GALNT18: variants seen among roughly 807,000 people sequenced by gnomAD.
GALNT18 encodes GalNAc-transferase 18.
In GALNT18, 44 loss-of-function variants were observed where a neutral mutation model predicts 69.5. The ratio of observed to expected loss-of-function variants is 0.63; its 90% CI spans 0.50 to 0.81. GALNT18 has a LOEUF of 0.81. Ranked by LOEUF, GALNT18 falls within the 40% of genes least tolerant of loss-of-function variation. The pLI is 0.00. For synonymous variants in GALNT18, 364 were observed against 318.2 expected (o/e 1.14, Z -1.53); for missense variants, 715 against 810.0 (o/e 0.88, Z 1.42).
At chr11:11,472,873 T>G (rs1401174453) in intron 1 of GALNT18, among the ~76,000 whole-genome samples, 1 of 152,124 alleles carries the variant, frequency 6.6e-6, no homozygotes, top group South Asian at 2.1e-4. Context: ...CCACCTGTAG[T>G]CCCAGCTACT....
At chr11:11,399,866 CACTT>C (rs1301608822) in intron 3 of GALNT18, among the ~76,000 whole-genome samples, 1 of 152,200 alleles carries the variant, frequency 6.6e-6, no homozygotes, top group African/African-American at 2.4e-5. Context: ...ATTTATCGAG[CACTT>C]ACTATGTGTT....
At chr11:11,571,793 G>A (rs2133998326) in intron 1 of GALNT18, among the ~76,000 whole-genome samples, 2 of 152,322 alleles carry the variant, frequency 1.3e-5, no homozygotes, top group South Asian at 4.1e-4. Context: ...ATTGGTGTGT[G>A]TTAAAGTGAC....
At chr11:11,533,251 G>C (rs1405577805) in intron 1 of GALNT18, among the ~76,000 whole-genome samples, 14 of 152,142 alleles carry the variant, frequency 9.2e-5, no homozygotes, top group Admixed American at 8.5e-4. Flanking sequence ...TTCATCCTCA[G>C]GGCGCCCTAT....
At chr11:11,483,872 G>A (rs559994335) in intron 1 of GALNT18, among the ~76,000 whole-genome samples, 86 of 152,114 alleles carry the variant, frequency 5.7e-4, no homozygotes, top group Non-Finnish European at 1.0e-3. Context: ...GCTCCTTTCC[G>A]TGTGTTTTTG....
intron 1 of GALNT18, among the ~76,000 whole-genome samples, chr11:11,571,758 G>C (rs1203027058): frequency 1.3e-5 from 2 of 152,142 alleles, no homozygotes; most frequent in African/African-American, 4.8e-5. Context: ...TATCTAGAAA[G>C]ATATCCAATG....
At position 11,587,864 on chromosome 11, in the gene GALNT18, T is replaced by C. The variant is rs1180204524; in HGVS notation, c.235+33495A>G. Among the ~76,000 whole-genome samples the C allele has an allele frequency of 2.6e-5, 4 of 151,710 alleles. No individual in the cohort carries two copies. The highest frequency in any genetic ancestry group is 9.7e-5 in the African/African-American group (4 of 41,262). ...CAAAGAATAATAAGAACACAAAATATAGAAATCCGAAAGGAAAGAGAGAGG... is the reference window on the plus strand; with the variant it reads ...CAAAGAATAATAAGAACACAAAATACAGAAATCCGAAAGGAAAGAGAGAGG... On this transcript the variant is annotated intron_variant, in intron 1 of 10. Transcript: ENST00000227756. The surrounding 1 kb of genome is among the most constrained non-coding windows in gnomAD (Gnocchi z 4.4).
At position 11,619,218 on chromosome 11, in the gene GALNT18, G is replaced by C. The variant is rs563494641; in HGVS notation, c.235+2141C>G. On this transcript the variant is annotated intron_variant, in intron 1 of 10. Transcript: ENST00000227756. The surrounding 1 kb of genome is among the most constrained non-coding windows in gnomAD (Gnocchi z 4.9). Reference sequence around the variant, plus strand: ...TAGGTGGCAGCTTTGGCCCTCTGTCGAGATTGTGGTTATTTCTGAATACCC... The same window carrying C: ...TAGGTGGCAGCTTTGGCCCTCTGTCCAGATTGTGGTTATTTCTGAATACCC... 6.6e-6 allele frequency among the ~76,000 whole-genome samples: 1 copy of C among 152,116 alleles called. No homozygotes were observed. Among genetic ancestry groups the C allele is most frequent in the African/African-American group, 2.4e-5 (1 of 41,412 alleles).
At position 11,601,333 on chromosome 11, in the gene GALNT18, C is replaced by T. The variant is rs1859629050; in HGVS notation, c.235+20026G>A. 1.3e-5 allele frequency among the ~76,000 whole-genome samples: 2 copies of T among 152,166 alleles called. No homozygotes were observed. Among genetic ancestry groups the T allele is most frequent in the Admixed American group, 1.3e-4 (2 of 15,278 alleles). ...GGGCTACTTCAGTGAAGTCCTTTTC[C>T]CCCAACAGTGTGTAGTCTCTAATAC... is the stretch of plus-strand genomic sequence containing the variant. On this transcript the variant is annotated intron_variant, in intron 1 of 10. Coordinates refer to ENST00000227756, the MANE Select transcript of GALNT18 (RefSeq NM_198516.3). The surrounding 1 kb of genome is among the most constrained non-coding windows in gnomAD (Gnocchi z 4.0).
chr11:11,377,176 C>T lies in GALNT18; in HGVS notation c.977+6G>A. ...GGAGAGACCCACAGGTAAAGGTTTG[C>T]TTTACCTGATTGGCGCTGTGGAGTT... On this transcript the variant is annotated splice_donor_region_variant and intron_variant, in intron 5 of 10. Coordinates refer to ENST00000227756, the MANE Select transcript of GALNT18 (RefSeq NM_198516.3). This position sits in a 1 kb window ranked among gnomAD's most constrained non-coding sequence, Gnocchi z 4.6. 1 of 1,612,488 alleles carries T rather than the reference C, an allele frequency of 6.2e-7. No homozygotes were observed. Among genetic ancestry groups the T allele is most frequent in the Non-Finnish European group, 8.5e-7 (1 of 1,179,922 alleles).
At chr11:11,434,069 G>A (rs771634273) in intron 2 of GALNT18, among the ~76,000 whole-genome samples, 3 of 152,118 alleles carry the variant, frequency 2.0e-5, no homozygotes, top group Non-Finnish European at 4.4e-5. Flanking sequence ...CCTTAATGAG[G>A]AAGGCTGCAG....
rs1859545438 is a variant in GALNT18 at position 11,598,139 on chromosome 11, C to T, written c.235+23220G>A. 6.6e-6 allele frequency among the ~76,000 whole-genome samples: 1 copy of T among 151,966 alleles called. No individual in the cohort carries two copies. Among genetic ancestry groups the T allele is most frequent in the African/African-American group, 2.4e-5 (1 of 41,392 alleles). ...CTTGCTTTAGGTTTAGTTTGCTCTTCTTTTTGCAGTTTCTTAAGGTTGCAG... is the reference window on the plus strand; with the variant it reads ...CTTGCTTTAGGTTTAGTTTGCTCTTTTTTTTGCAGTTTCTTAAGGTTGCAG... On this transcript the variant is annotated intron_variant, in intron 1 of 10. Transcript: ENST00000227756. This position sits in a 1 kb window ranked among gnomAD's most constrained non-coding sequence, Gnocchi z 4.8.
rs189672907 is a variant in GALNT18 at position 11,303,072 on chromosome 11, C to T, written c.1513-9879G>A. Among the ~76,000 whole-genome samples the T allele has an allele frequency of 1.2e-4, 18 of 152,296 alleles. No homozygotes were observed. The South Asian group carries it at 1.7e-3, about 14-fold the overall frequency. ...TATAGCAGATACTGTTAGTGCCTCACCCATGCATCTGGGCACTCCCCAGCC... is the reference window on the plus strand; with the variant it reads ...TATAGCAGATACTGTTAGTGCCTCATCCATGCATCTGGGCACTCCCCAGCC... On this transcript the variant is annotated intron_variant, in intron 9 of 10. Transcript: ENST00000227756.
rs549790190 is a variant in GALNT18, at chr11:11,430,445, G to T, written c.595+2176C>A. Reference sequence around the variant, plus strand: ...TGGTTTGGGTGTGCATATACAGCTCGATGCAGTTGTGATGACAAGTACAGC... The same window carrying T: ...TGGTTTGGGTGTGCATATACAGCTCTATGCAGTTGTGATGACAAGTACAGC... On this transcript the variant is annotated intron_variant, in intron 3 of 10. Transcript: ENST00000227756. This position sits in a 1 kb window ranked among gnomAD's most constrained non-coding sequence, Gnocchi z 4.9. Among the ~76,000 whole-genome samples the T allele has an allele frequency of 2.6e-5, 4 of 152,186 alleles. No individual in the cohort carries two copies. Among genetic ancestry groups the T allele is most frequent in the African/African-American group, 9.7e-5 (4 of 41,428 alleles).
intron 3 of GALNT18, among the ~76,000 whole-genome samples, chr11:11,381,875 T>C (rs1230409533): frequency 1.3e-5 from 2 of 152,242 alleles, no homozygotes; most frequent in Non-Finnish European, 2.9e-5. Flanking sequence ...GGATGGTTGC[T>C]GATTCACACC....
At position 11,284,122 on chromosome 11, in the gene GALNT18, A is replaced by C. The variant is rs376069191; in HGVS notation, c.1677+8907T>G. On this transcript the variant is annotated intron_variant, in intron 10 of 10. Transcript: ENST00000227756. ...GGAGACAGAGCATGCTGAGGCACTC[A>C]ATTTGTGTCTCAACATAGAGAACTG... is the stretch of plus-strand genomic sequence containing the variant. Among the ~76,000 whole-genome samples, 8 of 152,164 alleles carry C rather than the reference A, an allele frequency of 5.3e-5. No homozygotes were observed. In the East Asian group the frequency reaches 7.7e-4, roughly 15 times the overall value.
At chr11:11,547,473 G>A (rs3922398) in intron 1 of GALNT18, among the ~76,000 whole-genome samples, 38,349 of 152,214 alleles carry the variant, frequency 0.25, 6,116 homozygotes, top group Middle Eastern at 0.39. Flanking sequence ...CTCTGGCAAT[G>A]CCCATGGCCT....
rs114178726 is a variant in GALNT18 at position 11,601,004 on chromosome 11, C to A, written c.235+20355G>T. On this transcript the variant is annotated intron_variant, in intron 1 of 10. Coordinates refer to ENST00000227756, the MANE Select transcript of GALNT18 (RefSeq NM_198516.3). This position sits in a 1 kb window ranked among gnomAD's most constrained non-coding sequence, Gnocchi z 4.0. ...ACTTAACTATTTTCATAACTTATATCTTTTTATTGGTATTACCTATTGGTA... is the reference window on the plus strand; with the variant it reads ...ACTTAACTATTTTCATAACTTATATATTTTTATTGGTATTACCTATTGGTA... Among the ~76,000 whole-genome samples the A allele has an allele frequency of 4.2e-3, 634 of 152,060 alleles. 4 individuals carry two copies. The highest frequency in any genetic ancestry group is 0.015 in the African/African-American group (608 of 41,486).
chr11:11,302,503 A>G (rs1362385434), intron 9 of GALNT18, among the ~76,000 whole-genome samples: 1 of 152,082 alleles, frequency 6.6e-6, no homozygotes, highest in African/African-American at 2.4e-5. Context: ...TGCCTGGGAC[A>G]GGCTTCTGCA....
At chr11:11,588,151 C>G (rs930472389) in intron 1 of GALNT18, among the ~76,000 whole-genome samples, 3 of 152,116 alleles carry the variant, frequency 2.0e-5, no homozygotes, top group Non-Finnish European at 2.9e-5. Flanking sequence ...AGCCATACCC[C>G]CTTCCTGGTT....
Sources: gnomAD v4.1 joint callset for allele counts (sites outside exome capture counted in the v4.1 genomes callset) on GRCh38, gnomAD v4.1.1 for gene constraint, Gnocchi (gnomAD v3.1) non-coding constraint, MANE v1.5 for transcripts, NCBI Gene and HGNC (gene_info 2026-07-23, HGNC 2026-07-21) for gene names.